ABHD5: variants seen among roughly 807,000 people sequenced by gnomAD.
The protein encoded by ABHD5 is 1-acylglycerol-3-phosphate O-acyltransferase ABHD5.
In ABHD5, 30 loss-of-function variants were observed where a neutral mutation model predicts 44.9. That is an observed-to-expected ratio of 0.67 (90% CI 0.50 to 0.91). The LOEUF is 0.91. Among genes scored for constraint, ABHD5 ranks in the 40% least tolerant of loss-of-function variants. The pLI, the probability that ABHD5 is intolerant of heterozygous loss-of-function variation, is 0.00. For synonymous variants in ABHD5, 167 were observed against 147.0 expected, an observed-to-expected ratio of 1.14 and a Z score of -0.99; for missense variants, 399 against 423.4, an observed-to-expected ratio of 0.94 and a Z score of 0.50.
At chr3:43,713,873 G>T (rs1340287888) in intron 4 of ABHD5, among the ~76,000 whole-genome samples, 2 of 152,000 alleles carry the variant, frequency 1.3e-5, no homozygotes, top group Non-Finnish European at 2.9e-5. Context: ...ACTTGGGGGT[G>T]GGGAGGTGAT....
chr3:43,702,677 G>A (rs747578758), intron 3 of ABHD5, 90 bp downstream of exon 3: 216 of 1,589,850 alleles, frequency 1.4e-4, no homozygotes, highest in East Asian at 4.2e-4. Context: ...TAGTGTCTGA[G>A]CCACAAGGCA....
intron 3 of ABHD5, among the ~76,000 whole-genome samples, chr3:43,706,494 G>T (rs759369492): frequency 6.6e-6 from 1 of 151,500 alleles, no homozygotes; most frequent in African/African-American, 2.4e-5. Context: ...TAGAGATGGG[G>T]TCTTACTCTG....
intron 3 of ABHD5, among the ~76,000 whole-genome samples, chr3:43,706,020 G>A (rs2084614256): frequency 6.6e-6 from 1 of 152,126 alleles, no homozygotes; most frequent in Non-Finnish European, 1.5e-5. Context: ...ACTGTTAAGT[G>A]TTCACCATTA....
intron 3 of ABHD5, chr3:43,707,697 C>T (rs1021913942): frequency 3.3e-5 from 5 of 152,256 alleles, no homozygotes; most frequent in Non-Finnish European, 7.3e-5. Context: ...GGCACCATCT[C>T]GGCTCACTGC....
rs1323267234 is a variant in ABHD5 at position 43,722,498 on chromosome 3, G to GT, written c.*3967dup. On this transcript the variant is annotated 3_prime_UTR_variant, in exon 7 of 7. Coordinates refer to ENST00000644371, the MANE Select transcript of ABHD5 (RefSeq NM_016006.6). ...CTAGACAAGGATGGCAACTATTTCT[G>GT]TATCTTACATACCTTTTATTTTGAG... 1 of 152,142 alleles carries GT rather than the reference G, an allele frequency of 6.6e-6. No homozygotes were observed. The highest frequency in any genetic ancestry group is 2.4e-5 in the African/African-American group (1 of 41,428). The allele number at this position is 152,142 out of a possible 1,614,324, so 9.4% of individuals were successfully genotyped here.
At chr3:43,732,450 CAGAAT>C (rs1471978450) in intron 7 of ABHD5, among the ~76,000 whole-genome samples, 1 of 150,780 alleles carries the variant, frequency 6.6e-6, no homozygotes, top group Admixed American at 6.6e-5. Flanking sequence ...ACAAAACAAA[CAGAAT>C]AGAGGGGAGA....
At chr3:43,723,479 C>G (rs963776312), downstream of ABHD5, among the ~76,000 whole-genome samples, 1 of 152,164 alleles carries the variant, frequency 6.6e-6, no homozygotes, top group Non-Finnish European at 1.5e-5. Flanking sequence ...TTCATAAAAT[C>G]TGAACCTGAT....
At chr3:43,693,747 CCT>C (rs1328252064) in intron 1 of ABHD5, among the ~76,000 whole-genome samples, 1 of 92,166 alleles carries the variant, frequency 1.1e-5, no homozygotes, top group Middle Eastern at 7.7e-3. Flanking sequence ...ATTAGTTTCT[CCT>C]CTTTTTTTTT....
chr3:43,712,714 T>A (rs577351516), intron 4 of ABHD5, among the ~76,000 whole-genome samples: 1 of 152,276 alleles, frequency 6.6e-6, no homozygotes, highest in South Asian at 2.1e-4. Flanking sequence ...AGGGTTTGGG[T>A]CTGTGTCTGT....
At chr3:43,715,082 A>AGT in intron 5 of ABHD5, 24 bp downstream of exon 5, 2 of 1,115,044 alleles carry the variant, frequency 1.8e-6, no homozygotes, top group Non-Finnish European at 2.6e-6. Context: ...TTCTCAATTC[A>AGT]CTCTGTGTGT....
chr3:43,730,381 G>A (rs557331733), intron 7 of ABHD5, among the ~76,000 whole-genome samples: 70 of 152,052 alleles, frequency 4.6e-4, no homozygotes, highest in African/African-American at 1.6e-3. Flanking sequence ...TAGACAGTAT[G>A]AAAAACACTG....
chr3:43,691,411 A>G (rs570710723), intron 1 of ABHD5: 25 of 169,260 alleles, frequency 1.5e-4, no homozygotes, highest in African/African-American at 1.9e-4. Flanking sequence ...GCCTGCCCCA[A>G]TGCCGCCGGC....
At chr3:43,715,163 T>C in intron 5 of ABHD5, 105 bp downstream of exon 5, 1 of 820,636 alleles carries the variant, frequency 1.2e-6, no homozygotes, top group Non-Finnish European at 2.0e-6. Context: ...TATTTATTTA[T>C]TTATTTATTC....
chr3:43,712,595 G>A (rs988708592), intron 4 of ABHD5, among the ~76,000 whole-genome samples: 33 of 152,164 alleles, frequency 2.2e-4, no homozygotes, highest in Non-Finnish European at 3.2e-4. Flanking sequence ...TTAGTTGTAA[G>A]TAACTGAATA....
chr3:43,718,411 C>T (rs779091561), intron 6 of ABHD5, 32 bp from the exon 7 acceptor site: 3 of 1,563,258 alleles, frequency 1.9e-6, no homozygotes, highest in African/African-American at 2.7e-5. Context: ...TGCTTTTACT[C>T]ACTAACTGTC....
chr3:43,691,971 C>T (rs1318881403), intron 1 of ABHD5, among the ~76,000 whole-genome samples: 2 of 152,124 alleles, frequency 1.3e-5, no homozygotes, highest in African/African-American at 4.8e-5. Context: ...CTTTTCTACA[C>T]CTAAATGACT....
intron 7 of ABHD5, among the ~76,000 whole-genome samples, chr3:43,730,083 C>T (rs941999745): frequency 4.6e-5 from 7 of 152,234 alleles, no homozygotes; most frequent in Admixed American, 4.6e-4. Context: ...TTATGGAACA[C>T]TTATTGCATG....
At chr3:43,704,726 A>G (rs1240956587) in intron 3 of ABHD5, among the ~76,000 whole-genome samples, 3 of 152,264 alleles carry the variant, frequency 2.0e-5, no homozygotes, top group Admixed American at 1.3e-4. Flanking sequence ...GAGAATAGCA[A>G]AAGGTATCTA....
chr3:43,691,362 G>C (rs2149588085), intron 1 of ABHD5: 1 of 216,494 alleles, frequency 4.6e-6, no homozygotes, highest in Admixed American at 5.9e-5. Flanking sequence ...GGAGCTGGCC[G>C]CGGCGGCCGC....
Sources: gnomAD v4.1 joint callset for allele counts (sites outside exome capture counted in the v4.1 genomes callset) on GRCh38, gnomAD v4.1.1 for gene constraint, MANE v1.5 for transcripts, NCBI Gene and HGNC (gene_info 2026-07-23, HGNC 2026-07-21) for gene names.